FARP1: variants seen among roughly 807,000 people sequenced by gnomAD.
FARP1 encodes the protein FERM, ARHGEF and pleckstrin domain-containing protein 1.
A neutral mutation model predicts 128.8 loss-of-function variants in FARP1; 52 were observed. The observed-to-expected ratio is 0.40, with a 90% CI of 0.32 to 0.51. The LOEUF (loss-of-function observed/expected upper bound fraction) is 0.51. Among genes scored for constraint, FARP1 ranks in the 20% least tolerant of loss-of-function variants. The pLI is 0.45. For missense variants in FARP1, 1,333 were observed against 1,367.9 expected, an observed-to-expected ratio of 0.97 and a Z score of 0.40; for synonymous variants, 580 against 551.8, an observed-to-expected ratio of 1.05 and a Z score of -0.72.
rs1877996286 is a variant in FARP1, at chr13:98,176,105, C to G, written c.-24+32613C>G. Reference sequence around the variant, plus strand: ...TGGGATTGCAGGAAGACTGTCATCTCTCTCATCTTACTCAACAGGCTGCTT... The same window carrying G: ...TGGGATTGCAGGAAGACTGTCATCTGTCTCATCTTACTCAACAGGCTGCTT... On this transcript the variant is annotated intron_variant, in intron 1 of 26. Transcript: ENST00000319562. The surrounding 1 kb of genome is among the most constrained non-coding windows in gnomAD (Gnocchi z 6.2). The G allele has an allele frequency of 1.4e-6, 2 of 1,446,616 alleles. No homozygotes were observed. Among genetic ancestry groups the G allele is most frequent in the Non-Finnish European group, 1.9e-6 (2 of 1,035,176 alleles). The allele number at this position is 1,446,616 out of a possible 1,614,324, so 89.6% of individuals were successfully genotyped here.
chr13:98,452,260 G>C lies in FARP1; in HGVS notation c.*3943G>C, dbSNP rs750153912. ...CAAGGTGCAACAGAAAATCGTATTGGAAAGGACGGTACATCTGGCGCAGAC... is the reference window on the plus strand; with the variant it reads ...CAAGGTGCAACAGAAAATCGTATTGCAAAGGACGGTACATCTGGCGCAGAC... On this transcript the variant is annotated 3_prime_UTR_variant, in exon 27 of 27. Transcript: ENST00000319562. 1.3e-5 allele frequency: 2 copies of C among 152,286 alleles called. No homozygotes were observed. Among genetic ancestry groups the C allele is most frequent in the Non-Finnish European group, 2.9e-5 (2 of 68,038 alleles). The allele number at this position is 152,286 out of a possible 1,614,324, so 9.4% of individuals were successfully genotyped here. A position where few individuals can be genotyped will look rare whatever the true frequency, so the allele number is the denominator to read the frequency against.
intron 2 of FARP1, among the ~76,000 whole-genome samples, chr13:98,297,052 T>G: frequency 6.6e-6 from 1 of 152,348 alleles, no homozygotes; most frequent in East Asian, 1.9e-4. Flanking sequence ...ATATCACCTT[T>G]CTGTAATCTC....
chr13:98,330,965 A>C (rs1156379221), intron 2 of FARP1, among the ~76,000 whole-genome samples: 1 of 152,178 alleles, frequency 6.6e-6, no homozygotes, highest in East Asian at 1.9e-4. Flanking sequence ...TCATTTCCAG[A>C]GTGCCCTTGG....
chr13:98,283,784 C>A (rs1032094461), intron 2 of FARP1, among the ~76,000 whole-genome samples: 1 of 152,178 alleles, frequency 6.6e-6, no homozygotes, highest in Non-Finnish European at 1.5e-5. Context: ...ATAGAATACA[C>A]TGCCACAAAT....
intron 2 of FARP1, chr13:98,233,677 A>C (rs1171817507): frequency 2.0e-5 from 3 of 152,216 alleles, no homozygotes; most frequent in Non-Finnish European, 2.9e-5. Flanking sequence ...CGTACTGCTC[A>C]ATTCAATTCA....
chr13:98,255,776 T>C (rs912856462), intron 2 of FARP1, among the ~76,000 whole-genome samples: 4 of 152,260 alleles, frequency 2.6e-5, no homozygotes, highest in African/African-American at 9.6e-5. Context: ...ATCTGATTCC[T>C]AGCTCATGAC....
intron 1 of FARP1, among the ~76,000 whole-genome samples, chr13:98,166,957 G>A (rs1233918352): frequency 6.6e-6 from 1 of 152,032 alleles, no homozygotes; most frequent in Admixed American, 6.5e-5. Context: ...GAACTTTTGG[G>A]CTCAGGCAAT....
At position 98,417,455 on chromosome 13, in the gene FARP1, G is replaced by GGA. The variant is rs1491453247; in HGVS notation, c.1826+5421_1826+5422insGA. The stretch of plus-strand genomic sequence containing the variant: ...AGGAAACAGAGGCCACCAGAGGTTT[G>GGA]AAAAAAAAAAAAAAAAAAAAAAAAA... On this transcript the variant is annotated intron_variant, in intron 16 of 26. Coordinates refer to ENST00000319562, the MANE Select transcript of FARP1 (RefSeq NM_005766.4). 1.7e-4 allele frequency among the ~76,000 whole-genome samples: 10 copies of GGA among 58,456 alleles called. No individual in the cohort carries two copies. The East Asian group carries it at 8.3e-3, about 49-fold the overall frequency. 38.3% of individuals were successfully genotyped at this position (58,456 alleles called of 152,430 possible).
Position 98,243,554 on chromosome 13 carries a change from C to G in FARP1, c.171+30141C>G, listed in dbSNP as rs182070253. ...ACTAAAAATAAAAAAAAAAATTAGC[C>G]GGGCGTGGTGGTGGGCGCCTGTAAT... On this transcript the variant is annotated intron_variant, in intron 2 of 26. Transcript: ENST00000319562. 6.7e-4 allele frequency among the ~76,000 whole-genome samples: 101 copies of G among 151,716 alleles called. 5 individuals are homozygous for G. The East Asian group carries it at 0.02, about 29-fold the overall frequency.
At chr13:98,329,796 C>A (rs1887409104) in intron 2 of FARP1, 1 of 152,122 alleles carries the variant, frequency 6.6e-6, no homozygotes, top group Non-Finnish European at 1.5e-5. Context: ...TTCAGCAAAT[C>A]TTTATGAGCA....
intron 2 of FARP1, among the ~76,000 whole-genome samples, chr13:98,277,837 C>T (rs1884731145): frequency 6.6e-6 from 1 of 152,210 alleles, no homozygotes. Flanking sequence ...GCTCAACTTC[C>T]ACCCCCCAGA....
chr13:98,225,968 G>A (rs1352320493), intron 2 of FARP1, among the ~76,000 whole-genome samples: 2 of 151,730 alleles, frequency 1.3e-5, no homozygotes, highest in African/African-American at 4.9e-5. Flanking sequence ...TGCTGGCACC[G>A]TCTCTGCCAT....
At position 98,322,892 on chromosome 13, in the gene FARP1, T is replaced by A. The variant is rs535817565; in HGVS notation, c.172-20870T>A. Reference sequence around the variant, plus strand: ...CAGATGATTTGCCTAGAAATTTGTTTCTCCAGACCTTTTGGCAGAATAGCT... The same window carrying A: ...CAGATGATTTGCCTAGAAATTTGTTACTCCAGACCTTTTGGCAGAATAGCT... On this transcript the variant is annotated intron_variant, in intron 2 of 26. Transcript: ENST00000319562. 1.3e-4 allele frequency among the ~76,000 whole-genome samples: 20 copies of A among 152,320 alleles called. No homozygotes were observed. In the South Asian group the frequency reaches 2.9e-3, roughly 22 times the overall value.
chr13:98,312,430 C>A (rs151028284), intron 2 of FARP1, among the ~76,000 whole-genome samples: 2 of 152,270 alleles, frequency 1.3e-5, no homozygotes, highest in Admixed American at 1.3e-4. Flanking sequence ...TGAGACACTG[C>A]GCCCAGCCAG....
intron 13 of FARP1, chr13:98,396,087 CATCCTT>C (rs1555291199): frequency 7.5e-6 from 3 of 399,012 alleles, no homozygotes; most frequent in East Asian, 3.6e-5. Flanking sequence ...CAGATCCACT[CATCCTT>C]AGCCAGGTAG....
chr13:98,289,994 C>A (rs1357335711), intron 2 of FARP1, among the ~76,000 whole-genome samples: 1 of 152,024 alleles, frequency 6.6e-6, no homozygotes, highest in Non-Finnish European at 1.5e-5. Context: ...CTCCCCACAA[C>A]ACCCCCATTT....
chr13:98,370,578 G>A (rs575266849), intron 5 of FARP1, among the ~76,000 whole-genome samples: 9 of 144,176 alleles, frequency 6.2e-5, no homozygotes, highest in Non-Finnish European at 1.2e-4. Context: ...GAGTGACTGG[G>A]GGGGAGATGG....
intron 2 of FARP1, among the ~76,000 whole-genome samples, chr13:98,275,868 T>C (rs1214393119): frequency 3.3e-5 from 5 of 152,232 alleles, no homozygotes; most frequent in Non-Finnish European, 7.3e-5. Context: ...AATCATAAAA[T>C]ATTCTTTTCA....
At chr13:98,190,733 GTTT>G (rs5806053) in intron 1 of FARP1, among the ~76,000 whole-genome samples, 8 of 131,018 alleles carry the variant, frequency 6.1e-5, no homozygotes, top group Non-Finnish European at 5.0e-5. Context: ...AGCTTTTTAA[GTTT>G]TTTTTTTTTT....
Sources: gnomAD v4.1 joint callset for allele counts (sites outside exome capture counted in the v4.1 genomes callset) on GRCh38, gnomAD v4.1.1 for gene constraint, Gnocchi (gnomAD v3.1) non-coding constraint, MANE v1.5 for transcripts, NCBI Gene and HGNC (gene_info 2026-07-23, HGNC 2026-07-21) for gene names.